Variants in BORCS8 observed in about 807,000 individuals in gnomAD.
BORCS8 encodes the protein BLOC-1-related complex subunit 8.
Under a neutral mutation model 18.7 loss-of-function variants are expected in BORCS8, and 13 were observed. The ratio of observed to expected loss-of-function variants is 0.70; its 90% CI spans 0.45 to 1.11. The LOEUF is 1.11. Among genes scored for constraint, BORCS8 ranks in the 50% least tolerant of loss-of-function variants. BORCS8 has a pLI of 0.00. For synonymous variants in BORCS8, 68 were observed against 64.8 expected (o/e 1.05, Z -0.24); for missense variants, 165 against 165.7 (o/e 1.00, Z 0.02).
At chr19:19,189,867 T>A (rs558081546) in intron 1 of BORCS8, among the ~76,000 whole-genome samples, 1 of 151,836 alleles carries the variant, frequency 6.6e-6, no homozygotes, top group African/African-American at 2.4e-5. Context: ...CAGTGAGCCA[T>A]GATCATACCA....
rs35611651 is a variant in BORCS8, at chr19:19,189,916, CA to C, written c.37+2164del. Among the ~76,000 whole-genome samples the C allele has an allele frequency of 5.5e-4, 78 of 143,080 alleles. 1 individual carries two copies. Among genetic ancestry groups the C allele is most frequent in the Middle Eastern group, 3.6e-3 (1 of 276 alleles). The allele number at this position is 143,080 out of a possible 152,430, so 93.9% of individuals were successfully genotyped here. A position where few individuals can be genotyped will look rare whatever the true frequency, so the allele number is the denominator to read the frequency against. On this transcript the variant is annotated intron_variant, in intron 1 of 5. Coordinates refer to ENST00000462790, the MANE Select transcript of BORCS8 (RefSeq NM_001145784.2). The stretch of plus-strand genomic sequence containing the variant: ...TGGGCAAAAGAGTGAGACTCTGTCC[CA>C]AAAAAAAAAAAATTAAATGCCCGTA...
intron 4 of BORCS8, among the ~76,000 whole-genome samples, 192 bp from the exon 5 acceptor site, chr19:19,180,953 G>T (rs2060342719): frequency 6.6e-6 from 1 of 152,178 alleles, no homozygotes; most frequent in Non-Finnish European, 1.5e-5. Context: ...CCAGCACTTT[G>T]GGAGGCTGAG....
At chr19:19,189,456 A>G (rs2060445114) in intron 1 of BORCS8, among the ~76,000 whole-genome samples, 1 of 152,010 alleles carries the variant, frequency 6.6e-6, no homozygotes, top group Non-Finnish European at 1.5e-5. Flanking sequence ...ACTCTTCCAT[A>G]GCTCCCACCT....
At chr19:19,189,940 G>A (rs1032932373) in intron 1 of BORCS8, among the ~76,000 whole-genome samples, 1 of 151,580 alleles carries the variant, frequency 6.6e-6, no homozygotes, top group African/African-American at 2.4e-5. Flanking sequence ...TTAAATGCCC[G>A]TATGTGACCA....
At chr19:19,188,573 C>CA (rs2060433965) in intron 1 of BORCS8, among the ~76,000 whole-genome samples, 1 of 152,194 alleles carries the variant, frequency 6.6e-6, no homozygotes, top group African/African-American at 2.4e-5. Flanking sequence ...CTCTTCAGAG[C>CA]ATGCCCACAG....
intron 1 of BORCS8, among the ~76,000 whole-genome samples, chr19:19,189,226 T>C (rs1235129117): frequency 2.6e-5 from 4 of 152,100 alleles, no homozygotes; most frequent in Non-Finnish European, 5.9e-5. Flanking sequence ...TCCTGTCCCA[T>C]TCTTGGGCAG....
intron 5 of BORCS8, chr19:19,177,687 AG>A (rs1317693576): frequency 2.7e-3 from 163 of 60,372 alleles, no homozygotes; most frequent in African/African-American, 3.6e-3. Context: ...GAAGGAAGGA[AG>A]GAAGGAAGAG....
intron 5 of BORCS8, 97 bp from the exon 6 acceptor site, chr19:19,177,557 AG>A: frequency 6.5e-6 from 1 of 153,776 alleles, no homozygotes; most frequent in African/African-American, 2.4e-5. Context: ...TGAGCCCAGG[AG>A]GCAGAGGTTG....
intron 1 of BORCS8, among the ~76,000 whole-genome samples, chr19:19,191,107 C>G (rs1246180270): frequency 6.6e-6 from 1 of 152,058 alleles, no homozygotes; most frequent in Non-Finnish European, 1.5e-5. Flanking sequence ...AATCCCAGCA[C>G]TTTGGGAGGC....
intron 3 of BORCS8, among the ~76,000 whole-genome samples, chr19:19,183,647 T>C (rs2060373983): frequency 2.0e-5 from 3 of 150,798 alleles, no homozygotes; most frequent in Non-Finnish European, 3.0e-5. Flanking sequence ...TGCAATGGTG[T>C]GATCTCGGCT....
intron 2 of BORCS8, among the ~76,000 whole-genome samples, chr19:19,186,546 G>C (rs66764858): frequency 1.3e-5 from 2 of 151,936 alleles, no homozygotes; most frequent in African/African-American, 4.8e-5. Context: ...TTTTAATAAG[G>C]GGCCTCCCCC....
intron 1 of BORCS8, among the ~76,000 whole-genome samples, chr19:19,188,283 G>C (rs995217395): frequency 6.6e-6 from 1 of 150,674 alleles, no homozygotes; most frequent in Non-Finnish European, 1.5e-5. Context: ...CCTGCCTCGG[G>C]CTCCAAAGTG....
rs781442436 is a variant in BORCS8, at chr19:19,177,687, AGGAAGGAAG to A, written c.*43-236_*43-228del. 3.5e-3 allele frequency: 213 copies of A among 60,502 alleles called. 3 individuals carry two copies. The highest frequency in any genetic ancestry group is 0.012 in the Middle Eastern group (2 of 172). 3.7% of individuals were successfully genotyped at this position (60,502 alleles called of 1,614,324 possible). A position where few individuals can be genotyped will look rare whatever the true frequency, so the allele number is the denominator to read the frequency against. On this transcript the variant is annotated intron_variant, in intron 5 of 5. Coordinates refer to ENST00000462790, the MANE Select transcript of BORCS8 (RefSeq NM_001145784.2). ...AAGGAAGGAAGGAAGGAAGGAAGGA[AGGAAGGAAG>A]AGAAAAGAAAAGAAAAGAAAAGAAA...
intron 4 of BORCS8, 48 bp from the exon 5 acceptor site, chr19:19,180,809 CA>C: frequency 6.6e-7 from 1 of 1,512,602 alleles, no homozygotes; most frequent in Non-Finnish European, 8.9e-7. Flanking sequence ...TCAGAGGCCA[CA>C]AGGCTTGCTC....
At chr19:19,185,035 C>CA (rs1483684655) in intron 3 of BORCS8, among the ~76,000 whole-genome samples, 2 of 152,248 alleles carry the variant, frequency 1.3e-5, no homozygotes, top group African/African-American at 4.8e-5. Flanking sequence ...CCAGCTCTAG[C>CA]AACTCCTATT....
At chr19:19,188,413 C>G (rs890922194) in intron 1 of BORCS8, among the ~76,000 whole-genome samples, 11 of 152,096 alleles carry the variant, frequency 7.2e-5, no homozygotes, top group African/African-American at 2.7e-4. Context: ...CTGCCTCAGC[C>G]TCCCAAAGTG....
chr19:19,187,109 T>C, intron 1 of BORCS8, 104 bp from the exon 2 acceptor site: 3 of 820,906 alleles, frequency 3.7e-6, no homozygotes, highest in Non-Finnish European at 5.8e-6. Flanking sequence ...GCATCTGGCG[T>C]GTCCCTCCGC....
At chr19:19,191,449 G>A (rs1017524971) in intron 1 of BORCS8, among the ~76,000 whole-genome samples, 1 of 146,164 alleles carries the variant, frequency 6.8e-6, no homozygotes, top group Non-Finnish European at 1.5e-5. Flanking sequence ...CCATGATCGC[G>A]CCACCGCACC....
chr19:19,192,130 C>G lies in BORCS8; in HGVS notation c.-13G>C. 1.9e-6 allele frequency: 3 copies of G among 1,551,250 alleles called. No homozygotes were observed. The highest frequency in any genetic ancestry group is 2.6e-6 in the Non-Finnish European group (3 of 1,146,888). On this transcript the variant is annotated 5_prime_UTR_variant, in exon 1 of 6. Transcript: ENST00000462790. ...CCGGCTCCTCCATAGCGACCGCGGC[C>G]GAGCGAACCGGGAAACGGCACCGGA...
Sources: allele counts gnomAD v4.1 joint callset (sites outside exome capture counted in the v4.1 genomes callset), GRCh38; gene constraint gnomAD v4.1.1; transcripts MANE v1.5; gene names NCBI Gene and HGNC (gene_info 2026-07-23, HGNC 2026-07-21).